The following RNF213 variants were observed in gnomAD, a reference collection of about 807,000 sequenced individuals.
RNF213 encodes E3 ubiquitin-protein ligase RNF213.
Under a neutral mutation model 514.4 loss-of-function variants are expected in RNF213, and 341 were observed. That is an observed-to-expected ratio of 0.66 (90% CI 0.61 to 0.73). The LOEUF is 0.73. Ranked by LOEUF, RNF213 falls within the 30% of genes least tolerant of loss-of-function variation. RNF213 has a pLI of 0.00. For missense variants in RNF213, 5,767 were observed against 6,615.6 expected (o/e 0.87, Z 4.45); for synonymous variants, 2,655 against 2,658.2 (o/e 1.00, Z 0.04).
intron 63 of RNF213, among the ~76,000 whole-genome samples, chr17:80,387,990 C>T (rs918601636): frequency 1.4e-5 from 2 of 143,628 alleles, no homozygotes; most frequent in African/African-American, 5.3e-5. Flanking sequence ...GACGGAGTCT[C>T]GCTCTGTCAC....
At chr17:80,282,247 CG>C (rs1009011992) in intron 3 of RNF213, among the ~76,000 whole-genome samples, 1 of 152,110 alleles carries the variant, frequency 6.6e-6, no homozygotes, top group African/African-American at 2.4e-5. Context: ...CTACACGGTG[CG>C]GTGTTGCTCT....
Position 80,377,054 on chromosome 17 carries a change from C to T in RNF213, c.13510+91C>T, listed in dbSNP as rs1465980646. 6 of 1,044,244 alleles carry T rather than the reference C, an allele frequency of 5.7e-6. No homozygotes were observed. Among genetic ancestry groups the T allele is most frequent in the Middle Eastern group, 2.8e-4 (1 of 3,516 alleles). The allele number at this position is 1,044,244 out of a possible 1,614,324, so 64.7% of individuals were successfully genotyped here. A position where few individuals can be genotyped will look rare whatever the true frequency, so the allele number is the denominator to read the frequency against. On this transcript the variant is annotated intron_variant, in intron 53 of 67. Coordinates refer to ENST00000582970, the MANE Select transcript of RNF213 (RefSeq NM_001256071.3). The surrounding 1 kb of genome is among the most constrained non-coding windows in gnomAD (Gnocchi z 4.1). Reference sequence around the variant, plus strand: ...AGCATTGGGTTCGACTTGGGGTCCACGTGGTTTGTGCCTCAGGGTCCAAAA... The same window carrying T: ...AGCATTGGGTTCGACTTGGGGTCCATGTGGTTTGTGCCTCAGGGTCCAAAA...
At chr17:80,354,197 C>T (rs1230413737) in intron 35 of RNF213, 31 bp downstream of exon 35, 2 of 1,609,420 alleles carry the variant, frequency 1.2e-6, no homozygotes, top group South Asian at 1.1e-5. Flanking sequence ...CTTGCCCCTG[C>T]CCCCACGTGG....
At chr17:80,338,250 G>A (rs1030446914) in intron 25 of RNF213, among the ~76,000 whole-genome samples, 1 of 152,172 alleles carries the variant, frequency 6.6e-6, no homozygotes, top group African/African-American at 2.4e-5. Flanking sequence ...TAGGATGAAC[G>A]CTGAAGCTGG....
rs560585066 is a variant in RNF213, at chr17:80,377,608, GTGTCATGT to G, written c.13511-153_13511-146del. The stretch of plus-strand genomic sequence containing the variant: ...CATACATTTATTAAGCTTCAGGCAG[GTGTCATGT>G]AACTTAACAAATTAGCGTGGGATGC... On this transcript the variant is annotated intron_variant, in intron 53 of 67. Transcript: ENST00000582970. The surrounding 1 kb of genome is among the most constrained non-coding windows in gnomAD (Gnocchi z 4.1). The G allele has an allele frequency of 6.6e-5, 53 of 799,838 alleles. No individual in the cohort carries two copies. Among genetic ancestry groups the G allele is most frequent in the East Asian group, 4.7e-4 (19 of 40,802 alleles). The allele number at this position is 799,838 out of a possible 1,614,324, so 49.5% of individuals were successfully genotyped here. A position where few individuals can be genotyped will look rare whatever the true frequency, so the allele number is the denominator to read the frequency against.
At chr17:80,308,703 T>A (rs1385668591) in intron 13 of RNF213, among the ~76,000 whole-genome samples, 1 of 152,228 alleles carries the variant, frequency 6.6e-6, no homozygotes, top group South Asian at 2.1e-4. Flanking sequence ...TTTTTCAAAT[T>A]TATGTCATAT....
In RNF213 at chr17:80,376,352, C is replaced by T; in HGVS notation, c.13237C>T (p.Pro4413Ser). The stretch of plus-strand genomic sequence containing the variant: ...TGGCGAATGCAAGATCCTTTCACCT[C>T]CTGATATCAGCCGTTTTGCAACATC... ...FIGECKILSP[P>S]DISRFATSLV... The change falls in exon 52 of 68, where the codon CCT becomes TCT. Residue 4413 changes from proline to serine, a missense_variant. Around this residue, in one of 13 missense-constraint regions of RNF213, gnomAD observed 1,245 missense variants for 1,339.0 expected, o/e 0.93. Transcript: ENST00000582970. 6.2e-7 allele frequency: 1 copy of T among 1,614,232 alleles called. No homozygotes were observed. Among genetic ancestry groups the T allele is most frequent in the Non-Finnish European group, 8.5e-7 (1 of 1,180,032 alleles).
Position 80,367,963 on chromosome 17 carries a change from T to A in RNF213, c.11975T>A (p.Phe3992Tyr). Residue 3992 changes from phenylalanine to tyrosine, a missense_variant and splice_region_variant, in exon 44 of 68, where the codon TTT (phenylalanine) becomes TAT (tyrosine). Phe to Tyr is a conservative substitution (Grantham distance 22). Transcript: ENST00000582970. ...TGATTGCCCTTCTTGGATTCTAGGT[T>A]TGGGATTCAGCCGTGCTCCATCTGC... Reference protein sequence around the residue: ...KETASKTLSRFGIQPCSICLG... With the variant: ...KETASKTLSRYGIQPCSICLG... 1 of 1,614,256 alleles carries A rather than the reference T, an allele frequency of 6.2e-7. No individual in the cohort carries two copies. The highest frequency in any genetic ancestry group is 8.5e-7 in the Non-Finnish European group (1 of 1,180,046).
intron 21 of RNF213, among the ~76,000 whole-genome samples, chr17:80,333,226 A>AT (rs370966572): frequency 0.014 from 1,984 of 141,006 alleles, 30 homozygotes; most frequent in African/African-American, 0.03. Flanking sequence ...TTTTTTTGGT[A>AT]TTTTTTTTTT....
At chr17:80,325,589 G>T (rs1198622577) in intron 18 of RNF213, among the ~76,000 whole-genome samples, 2 of 152,080 alleles carry the variant, frequency 1.3e-5, no homozygotes. Flanking sequence ...CCAGACCCAG[G>T]TATGTCTTAT....
chr17:80,385,773 G>C, intron 61 of RNF213, 152 bp downstream of exon 61: 1 of 721,964 alleles, frequency 1.4e-6, no homozygotes, highest in Non-Finnish European at 2.4e-6. Context: ...CCAGGCTGGA[G>C]TGCAGTGGCA....
intron 3 of RNF213, among the ~76,000 whole-genome samples, chr17:80,277,950 A>G (rs1280626048): frequency 6.6e-6 from 1 of 152,210 alleles, no homozygotes; most frequent in Non-Finnish European, 1.5e-5. Flanking sequence ...GGAGAGGGAA[A>G]GGGCGCACAG....
At chr17:80,282,484 C>T (rs537196082) in intron 3 of RNF213, among the ~76,000 whole-genome samples, 51 of 151,076 alleles carry the variant, frequency 3.4e-4, no homozygotes, top group African/African-American at 1.1e-3. Flanking sequence ...CTGCAAGCTC[C>T]GCCTCCCAGG....
Position 80,317,825 on chromosome 17 carries a change from G to C in RNF213, c.2901+548G>C, listed in dbSNP as rs1355713231. Among the ~76,000 whole-genome samples, 2 of 152,206 alleles carry C rather than the reference G, an allele frequency of 1.3e-5. No individual in the cohort carries two copies. Among genetic ancestry groups the C allele is most frequent in the African/African-American group, 4.8e-5 (2 of 41,458 alleles). ...TGCCTAGGGTGGCTGCCCTCTGCCA[G>C]GGCCAATGTGACAGCCTCTTTTAGG... On this transcript the variant is annotated intron_variant, in intron 16 of 67. Transcript: ENST00000582970. This position sits in a 1 kb window ranked among gnomAD's most constrained non-coding sequence, Gnocchi z 4.1.
intron 3 of RNF213, among the ~76,000 whole-genome samples, chr17:80,281,179 C>G (rs1480316781): frequency 5.0e-5 from 6 of 120,904 alleles, no homozygotes; most frequent in Non-Finnish European, 7.1e-5. Flanking sequence ...ACATACCCTC[C>G]ACACACACAT....
At position 80,357,903 on chromosome 17, in the gene RNF213, G is replaced by A. The variant is rs115863856; in HGVS notation, c.10863-385G>A. ...CTTGCACGGCTGAGGTGGGAGGATCGTTTGAGCCCAGGTATTCCAGGTTAT... is the reference window on the plus strand; with the variant it reads ...CTTGCACGGCTGAGGTGGGAGGATCATTTGAGCCCAGGTATTCCAGGTTAT... On this transcript the variant is annotated intron_variant, in intron 36 of 67. Coordinates refer to ENST00000582970, the MANE Select transcript of RNF213 (RefSeq NM_001256071.3). Among the ~76,000 whole-genome samples, 1,263 of 152,286 alleles carry A rather than the reference G, an allele frequency of 8.3e-3. 16 individuals are homozygous for A. The highest frequency in any genetic ancestry group is 0.029 in the African/African-American group (1,187 of 41,540).
chr17:80,319,725 G>T, intron 17 of RNF213: 1 of 1,405,654 alleles, frequency 7.1e-7, no homozygotes, highest in Non-Finnish European at 9.3e-7. Context: ...TATGTGAAAT[G>T]GAAAATTGTA....
At chr17:80,355,858 A>G (rs1161575488) in intron 36 of RNF213, among the ~76,000 whole-genome samples, 3 of 151,180 alleles carry the variant, frequency 2.0e-5, no homozygotes, top group African/African-American at 7.4e-5. Context: ...GGGGACTTAC[A>G]GACACCTTCC....
intron 50 of RNF213, chr17:80,374,923 A>C (rs552536066): frequency 5.7e-6 from 2 of 350,550 alleles, no homozygotes; most frequent in Admixed American, 7.8e-5. Context: ...AGATGCTGAC[A>C]CAACTATTAA....
Sources: gnomAD v4.1 joint callset for allele counts (sites outside exome capture counted in the v4.1 genomes callset) on GRCh38, gnomAD v4.1.1 for gene constraint, gnomAD v4.1.1 regional missense constraint, Gnocchi (gnomAD v3.1) non-coding constraint, MANE v1.5 for transcripts, NCBI Gene and HGNC (gene_info 2026-07-23, HGNC 2026-07-21) for gene names.